The following ZNF804B variants were observed in gnomAD, a reference collection of about 807,000 sequenced individuals.
ZNF804B encodes zinc finger 804B.
Under a neutral mutation model 101.4 loss-of-function variants are expected in ZNF804B, and 80 were observed. That is an observed-to-expected ratio of 0.79 (90% CI 0.66 to 0.95). The LOEUF is 0.95. ZNF804B is among the 40% of genes least tolerant of loss of function. ZNF804B has a pLI of 0.00. For missense variants in ZNF804B, 1,673 were observed against 1,561.9 expected (o/e 1.07, Z -1.20); for synonymous variants, 622 against 558.8 (o/e 1.11, Z -1.59).
chr7:89,216,070 G>A (rs1259486367), intron 1 of ZNF804B, among the ~76,000 whole-genome samples: 2 of 152,086 alleles, frequency 1.3e-5, no homozygotes, highest in African/African-American at 4.8e-5. Flanking sequence ...TTGGGAGGCC[G>A]CGGCAGGTGG....
intron 1 of ZNF804B, among the ~76,000 whole-genome samples, chr7:88,929,406 A>G (rs1380973438): frequency 2.6e-5 from 4 of 151,986 alleles, no homozygotes; most frequent in Non-Finnish European, 5.9e-5. Context: ...TACCAGTACA[A>G]TTTGTTAATT....
chr7:89,307,782 C>A (rs1227007200), intron 2 of ZNF804B, among the ~76,000 whole-genome samples: 2 of 151,776 alleles, frequency 1.3e-5, no homozygotes, highest in African/African-American at 2.4e-5. Context: ...TTTTATAGTT[C>A]AGAAAATGAG....
At chr7:88,953,041 A>G (rs1375906438) in intron 1 of ZNF804B, among the ~76,000 whole-genome samples, 1 of 151,678 alleles carries the variant, frequency 6.6e-6, no homozygotes, top group Non-Finnish European at 1.5e-5. Flanking sequence ...CTGTAGACCA[A>G]CTCTTACCTG....
chr7:88,847,677 A>G (rs1791396156), intron 1 of ZNF804B, among the ~76,000 whole-genome samples: 2 of 152,140 alleles, frequency 1.3e-5, no homozygotes, highest in Admixed American at 1.3e-4. Context: ...AATAAAATAA[A>G]TTATGATAAA....
At chr7:88,839,843 G>A (rs1233037924) in intron 1 of ZNF804B, among the ~76,000 whole-genome samples, 4 of 151,608 alleles carry the variant, frequency 2.6e-5, no homozygotes, top group Non-Finnish European at 5.9e-5. Flanking sequence ...ATAGTCAGGA[G>A]GACTAAATCA....
chr7:88,865,326 G>A (rs1562816429), intron 1 of ZNF804B, among the ~76,000 whole-genome samples: 1 of 151,886 alleles, frequency 6.6e-6, no homozygotes, highest in African/African-American at 2.4e-5. Flanking sequence ...GGGCCTAGGA[G>A]TTCTAGATCA....
intron 1 of ZNF804B, among the ~76,000 whole-genome samples, chr7:88,946,066 G>A (rs1162387323): frequency 6.6e-6 from 1 of 151,884 alleles, no homozygotes; most frequent in African/African-American, 2.4e-5. Flanking sequence ...CTCTTCCTAT[G>A]TGAATACACT....
intron 1 of ZNF804B, among the ~76,000 whole-genome samples, chr7:88,804,050 A>G (rs1311801630): frequency 1.3e-5 from 2 of 152,150 alleles, no homozygotes; most frequent in African/African-American, 4.8e-5. Flanking sequence ...AAACAAAAAT[A>G]AAAAAGCCTA....
intron 1 of ZNF804B, among the ~76,000 whole-genome samples, chr7:89,004,271 A>AT (rs924666399): frequency 0.013 from 1,906 of 149,148 alleles, 15 homozygotes; most frequent in African/African-American, 0.021. Flanking sequence ...AGAAAGGGTG[A>AT]TTTTTTTTTT....
At chr7:89,332,622 T>C (rs928420275) in intron 3 of ZNF804B, among the ~76,000 whole-genome samples, 2 of 151,888 alleles carry the variant, frequency 1.3e-5, no homozygotes, top group Non-Finnish European at 2.9e-5. Flanking sequence ...ATATTTTCAA[T>C]CTTCTGTATG....
intron 1 of ZNF804B, among the ~76,000 whole-genome samples, chr7:89,071,476 C>G (rs1017126000): frequency 6.6e-6 from 1 of 152,020 alleles, no homozygotes; most frequent in Non-Finnish European, 1.5e-5. Context: ...GGTAAGGACA[C>G]TCACCCAAAG....
intron 1 of ZNF804B, among the ~76,000 whole-genome samples, chr7:88,937,737 A>T (rs554048235): frequency 6.6e-6 from 1 of 152,102 alleles, no homozygotes. Context: ...AGAAAAGAAA[A>T]ATCAATATGT....
chr7:89,023,988 G>A (rs1040302596), intron 1 of ZNF804B, among the ~76,000 whole-genome samples: 5 of 152,180 alleles, frequency 3.3e-5, no homozygotes, highest in African/African-American at 9.6e-5. Context: ...AGTGGAAGGT[G>A]TCTAGAGCTG....
At chr7:89,064,129 C>T (rs1789417294) in intron 1 of ZNF804B, among the ~76,000 whole-genome samples, 1 of 152,090 alleles carries the variant, frequency 6.6e-6, no homozygotes, top group Non-Finnish European at 1.5e-5. Flanking sequence ...GCAGCATTGG[C>T]AGACCCTCCG....
intron 2 of ZNF804B, among the ~76,000 whole-genome samples, chr7:89,291,353 T>G (rs1340689664): frequency 6.6e-6 from 1 of 152,220 alleles, no homozygotes; most frequent in East Asian, 1.9e-4. Flanking sequence ...TTAAAATAGT[T>G]GTTTTTAGTA....
intron 1 of ZNF804B, among the ~76,000 whole-genome samples, chr7:88,898,068 TC>T (rs953544636): frequency 1.5e-5 from 2 of 132,830 alleles, no homozygotes; most frequent in Non-Finnish European, 3.2e-5. Flanking sequence ...ATATTACTTC[TC>T]CATCTTTTTT....
rs112674841 is a variant in ZNF804B at position 88,865,877 on chromosome 7, C to A, written c.108+105793C>A. 4.8e-3 allele frequency among the ~76,000 whole-genome samples: 724 copies of A among 152,338 alleles called. 5 individuals are homozygous for A. Among genetic ancestry groups the A allele is most frequent in the African/African-American group, 0.016 (655 of 41,580 alleles). On this transcript the variant is annotated intron_variant, in intron 1 of 3. Coordinates refer to ENST00000333190, the MANE Select transcript of ZNF804B (RefSeq NM_181646.5). ...TTCCCAGCTTAGTCTGAATGTCACGCCCCTCCTTACTTAAAATGGCATCCT... is the reference window on the plus strand; with the variant it reads ...TTCCCAGCTTAGTCTGAATGTCACGACCCTCCTTACTTAAAATGGCATCCT...
rs527970418 is a variant in ZNF804B, at chr7:89,171,323, T to C, written c.109-46832T>C. 5.6e-3 allele frequency among the ~76,000 whole-genome samples: 632 copies of C among 113,716 alleles called. 5 individuals are homozygous for C. The highest frequency in any genetic ancestry group is 6.7e-3 in the African/African-American group (210 of 31,118). 74.6% of individuals were successfully genotyped at this position (113,716 alleles called of 152,430 possible). A position where few individuals can be genotyped will look rare whatever the true frequency, so the allele number is the denominator to read the frequency against. On this transcript the variant is annotated intron_variant, in intron 1 of 3. Transcript: ENST00000333190. ...CTTCTTCTTCTTCTTCTTCTTCTTC[T>C]TCTTCTTCTTCTTCTTCTTCTTCTT...
At chr7:89,224,083 A>C (rs1171420818) in intron 2 of ZNF804B, among the ~76,000 whole-genome samples, 1 of 152,026 alleles carries the variant, frequency 6.6e-6, no homozygotes, top group African/African-American at 2.4e-5. Context: ...ACACATCCTC[A>C]CATGCAGCAG....
Sources: gnomAD v4.1 joint callset for allele counts (sites outside exome capture counted in the v4.1 genomes callset) on GRCh38, gnomAD v4.1.1 for gene constraint, MANE v1.5 for transcripts, NCBI Gene and HGNC (gene_info 2026-07-23, HGNC 2026-07-21) for gene names.